The following MTAP variants were observed in gnomAD, a reference collection of about 807,000 sequenced individuals.
MTAP encodes S-methyl-5'-thioadenosine phosphorylase.
MTAP carries 33 observed loss-of-function variants against 33.6 expected under a neutral mutation model. The observed-to-expected ratio is 0.98, with a 90% CI of 0.74 to 1.31. The LOEUF is 1.31. Among genes scored for constraint, MTAP ranks in the 40% most tolerant of loss-of-function variants. The pLI is 0.00. For synonymous variants in MTAP, 148 were observed against 125.7 expected (o/e 1.18, Z -1.19); for missense variants, 367 against 360.0 (o/e 1.02, Z -0.16).
At chr9:21,834,023 T>A (rs559556012) in intron 4 of MTAP, among the ~76,000 whole-genome samples, 1 of 152,352 alleles carries the variant, frequency 6.6e-6, no homozygotes, top group South Asian at 2.1e-4. Context: ...GTCTACTAGC[T>A]TTTCTTATCA....
At chr9:21,897,889 G>T (rs200646572) in intron 1 of MTAP, among the ~76,000 whole-genome samples, 2 of 151,880 alleles carry the variant, frequency 1.3e-5, no homozygotes, top group Admixed American at 6.6e-5. Context: ...TACTTTAAAG[G>T]TCATATGGAA....
intron 1 of MTAP, among the ~76,000 whole-genome samples, chr9:21,808,605 A>AAC (rs567662513): frequency 3.3e-4 from 48 of 146,932 alleles, no homozygotes; most frequent in South Asian, 8.5e-4. Context: ...AAAAAAAAAA[A>AAC]ACACACACAC....
chr9:21,901,155 C>T lies in MTAP; in HGVS notation c.148-29853C>T, dbSNP rs541514114. The stretch of plus-strand genomic sequence containing the variant: ...ATTGTAACACACCTGCACAGGCATC[C>T]CTAAAACAAAACTTGTAAAGAAAAT... On this transcript the variant is annotated intron_variant, in intron 1 of 1. Transcript: ENST00000577563. Among the ~76,000 whole-genome samples, 3 of 152,134 alleles carry T rather than the reference C, an allele frequency of 2.0e-5. No homozygotes were observed. The South Asian group carries it at 6.2e-4, about 32-fold the overall frequency.
chr9:21,878,910 G>A (rs1039455967), intron 1 of MTAP, among the ~76,000 whole-genome samples: 4 of 152,136 alleles, frequency 2.6e-5, no homozygotes, highest in Non-Finnish European at 4.4e-5. Context: ...TTGCGCTATA[G>A]TCCTAGAGTA....
intron 1 of MTAP, among the ~76,000 whole-genome samples, chr9:21,808,537 T>G (rs2117931151): frequency 6.7e-6 from 1 of 149,702 alleles, no homozygotes; most frequent in South Asian, 2.1e-4. Context: ...TGCAGTGAGC[T>G]GAGATTTCAC....
chr9:21,854,054 T>C (rs1201966805), intron 5 of MTAP, among the ~76,000 whole-genome samples: 1 of 152,220 alleles, frequency 6.6e-6, no homozygotes, highest in Non-Finnish European at 1.5e-5. Context: ...TGTTTATCCC[T>C]GTGAACAGAA....
intron 4 of MTAP, among the ~76,000 whole-genome samples, chr9:21,833,861 A>G (rs895726043): frequency 2.0e-5 from 3 of 152,210 alleles, no homozygotes; most frequent in Admixed American, 1.3e-4. Flanking sequence ...TCTTGATTCA[A>G]GAAACAACCT....
At chr9:21,856,962 C>G (rs781426782) in intron 6 of MTAP, among the ~76,000 whole-genome samples, 1 of 152,082 alleles carries the variant, frequency 6.6e-6, no homozygotes, top group Non-Finnish European at 1.5e-5. Context: ...TCAGTTAGAC[C>G]TTGAAAGATT....
intron 3 of MTAP, among the ~76,000 whole-genome samples, chr9:21,817,327 C>T (rs143750790): frequency 0.011 from 1,719 of 152,118 alleles, 27 homozygotes; most frequent in African/African-American, 0.04. Context: ...CTTAAAATAG[C>T]ACACATCATC....
intron 1 of MTAP, among the ~76,000 whole-genome samples, chr9:21,904,833 G>T (rs186573872): frequency 5.9e-4 from 90 of 152,226 alleles, no homozygotes; most frequent in African/African-American, 2.1e-3. Context: ...GTCCAAAATT[G>T]CTTATAGCTA....
At position 21,864,834 on chromosome 9, in the gene MTAP, G is replaced by T. The variant is rs553718497; in HGVS notation, c.*2820G>T. The T allele has an allele frequency of 1.0e-6, 1 of 985,472 alleles. No homozygotes were observed. The highest frequency in any genetic ancestry group is 1.2e-6 in the Non-Finnish European group (1 of 829,948). The allele number at this position is 985,472 out of a possible 1,614,324, so 61.0% of individuals were successfully genotyped here. On this transcript the variant is annotated 3_prime_UTR_variant, in exon 8 of 8. Transcript: ENST00000644715. ...GAGCCTGCTCTGGCATCCACAGGAT[G>T]CTCCTGGAGCCTCTTCTCTGGCTGC...
chr9:21,813,566 G>A (rs1824403886), intron 1 of MTAP, among the ~76,000 whole-genome samples: 1 of 152,156 alleles, frequency 6.6e-6, no homozygotes, highest in Non-Finnish European at 1.5e-5. Context: ...TCAGAGGGTG[G>A]CTCCAAACAA....
At chr9:21,805,263 G>C (rs924283219) in intron 1 of MTAP, among the ~76,000 whole-genome samples, 7 of 152,208 alleles carry the variant, frequency 4.6e-5, no homozygotes, top group Non-Finnish European at 7.3e-5. Flanking sequence ...ACTCATGCAA[G>C]TGAAAGATTC....
intron 5 of MTAP, among the ~76,000 whole-genome samples, chr9:21,848,771 G>T (rs1295584602): frequency 6.6e-6 from 1 of 152,136 alleles, no homozygotes; most frequent in East Asian, 1.9e-4. Context: ...AGATCTAACT[G>T]TGGTAATGTC....
intron 1 of MTAP, among the ~76,000 whole-genome samples, chr9:21,921,859 C>A (rs1398819530): frequency 6.6e-6 from 1 of 152,050 alleles, no homozygotes; most frequent in Non-Finnish European, 1.5e-5. Flanking sequence ...CACAAGCCTG[C>A]AGTCCCAACT....
chr9:21,840,337 AC>A (rs1825213407), intron 5 of MTAP, among the ~76,000 whole-genome samples: 1 of 152,246 alleles, frequency 6.6e-6, no homozygotes, highest in Non-Finnish European at 1.5e-5. Flanking sequence ...GTAGGAACTT[AC>A]CGGGAAAACC....
chr9:21,839,227 C>A (rs1037735995), intron 5 of MTAP, among the ~76,000 whole-genome samples: 13 of 148,418 alleles, frequency 8.8e-5, no homozygotes, highest in African/African-American at 3.0e-4. Flanking sequence ...GTATGTATAG[C>A]ATGTTTCTGG....
downstream of MTAP, among the ~76,000 whole-genome samples, chr9:21,868,526 G>A (rs1416443034): frequency 1.3e-5 from 2 of 152,148 alleles, no homozygotes; most frequent in East Asian, 3.9e-4. Flanking sequence ...CTTTTGTAAA[G>A]GCAGGAGTTG....
At chr9:21,825,060 A>G (rs1464543344) in intron 4 of MTAP, among the ~76,000 whole-genome samples, 2 of 151,996 alleles carry the variant, frequency 1.3e-5, no homozygotes, top group Non-Finnish European at 2.9e-5. Flanking sequence ...AGGTGAGGCG[A>G]TGCCTCACCC....
Sources: allele counts gnomAD v4.1 joint callset (sites outside exome capture counted in the v4.1 genomes callset), GRCh38; gene constraint gnomAD v4.1.1; transcripts MANE v1.5; gene names NCBI Gene and HGNC (gene_info 2026-07-23, HGNC 2026-07-21).